The following CRTC3 variants were observed in gnomAD, a reference collection of about 807,000 sequenced individuals.
CRTC3 encodes CREB-regulated transcription coactivator 3.
Under a neutral mutation model 74.5 loss-of-function variants are expected in CRTC3, and 26 were observed. That is an observed-to-expected ratio of 0.35 (90% CI 0.26 to 0.48). The LOEUF is 0.48. Ranked by LOEUF, CRTC3 falls within the 20% of genes least tolerant of loss-of-function variation. The pLI is 0.99. For missense variants in CRTC3, 760 were observed against 787.3 expected (o/e 0.97, Z 0.41); for synonymous variants, 377 against 325.8 (o/e 1.16, Z -1.69).
At chr15:90,582,092 T>C (rs1967555746) in intron 2 of CRTC3, among the ~76,000 whole-genome samples, 1 of 152,244 alleles carries the variant, frequency 6.6e-6, no homozygotes, top group Non-Finnish European at 1.5e-5. Flanking sequence ...GTTCTTCCCT[T>C]CTGCAGTTCC....
intron 9 of CRTC3, among the ~76,000 whole-genome samples, chr15:90,621,059 G>A (rs1047342369): frequency 9.9e-5 from 15 of 152,116 alleles, no homozygotes; most frequent in Non-Finnish European, 1.6e-4. Flanking sequence ...AAGACAGGCC[G>A]CCGAGAGGTG....
At chr15:90,554,154 A>G (rs978163130) in intron 2 of CRTC3, among the ~76,000 whole-genome samples, 2 of 152,020 alleles carry the variant, frequency 1.3e-5, no homozygotes, top group East Asian at 1.9e-4. Context: ...GTTATACATA[A>G]CACCCTTAGA....
rs927463046 is a variant in CRTC3, at chr15:90,642,663, C to T, written c.*523C>T. 4.2e-6 allele frequency: 1 copy of T among 235,380 alleles called. No homozygotes were observed. The highest frequency in any genetic ancestry group is 2.2e-5 in the African/African-American group (1 of 45,200). 14.6% of individuals were successfully genotyped at this position (235,380 alleles called of 1,614,324 possible). On this transcript the variant is annotated 3_prime_UTR_variant, in exon 15 of 15. Transcript: ENST00000268184. ...TTCCCAGGCTGAGTGGACCCCACGG[C>T]TCTCTCCCACGCCTGGATTACGACA...
chr15:90,571,386 A>G (rs1459311398), intron 2 of CRTC3, among the ~76,000 whole-genome samples: 2 of 152,178 alleles, frequency 1.3e-5, no homozygotes, highest in African/African-American at 4.8e-5. Context: ...GATTGGAGTG[A>G]GGAGTGTTCT....
chr15:90,613,714 T>C (rs955785572), intron 6 of CRTC3: 1 of 152,230 alleles, frequency 6.6e-6, no homozygotes, highest in Admixed American at 6.5e-5. Flanking sequence ...TAATGTATCC[T>C]GATTCTGTAC....
intron 2 of CRTC3, among the ~76,000 whole-genome samples, chr15:90,550,140 A>T (rs1006918777): frequency 6.6e-6 from 1 of 151,826 alleles, no homozygotes; most frequent in Non-Finnish European, 1.5e-5. Context: ...TTAAATATTT[A>T]AAAATTGGCT....
In CRTC3 at chr15:90,643,386, C is replaced by G. The variant is rs1280082383; in HGVS notation, c.*1246C>G. 4.4e-6 allele frequency: 1 copy of G among 228,628 alleles called. No individual in the cohort carries two copies. Among genetic ancestry groups the G allele is most frequent in the Non-Finnish European group, 8.7e-6 (1 of 115,280 alleles). 14.2% of individuals were successfully genotyped at this position (228,628 alleles called of 1,614,324 possible). A position where few individuals can be genotyped will look rare whatever the true frequency, so the allele number is the denominator to read the frequency against. ...GACCAAATCACAGTGAAGCCGGGCA[C>G]TGCATTCTCCTTGGGCTGTGCTCCA... On this transcript the variant is annotated 3_prime_UTR_variant, in exon 15 of 15. Coordinates refer to ENST00000268184, the MANE Select transcript of CRTC3 (RefSeq NM_022769.5).
chr15:90,595,940 C>G (rs1967914392), intron 3 of CRTC3: 1 of 152,220 alleles, frequency 6.6e-6, no homozygotes, highest in African/African-American at 2.4e-5. Flanking sequence ...AAACAAGCAG[C>G]CACGGCAGGT....
At chr15:90,589,819 T>C (rs752825122) in intron 2 of CRTC3, among the ~76,000 whole-genome samples, 2 of 151,808 alleles carry the variant, frequency 1.3e-5, no homozygotes, top group Non-Finnish European at 2.9e-5. Flanking sequence ...AAACCCAGTC[T>C]CTACTAAAAA....
intron 13 of CRTC3, among the ~76,000 whole-genome samples, chr15:90,640,518 T>C (rs1969399845): frequency 6.6e-6 from 1 of 151,884 alleles, no homozygotes; most frequent in Non-Finnish European, 1.5e-5. Context: ...CAAGACCCTG[T>C]CTCTAAAAAA....
Position 90,579,857 on chromosome 15 carries a change from G to T in CRTC3, c.232-13779G>T, listed in dbSNP as rs182359999. On this transcript the variant is annotated intron_variant, in intron 2 of 14. Transcript: ENST00000268184. ...GGGTTTTACCATGTTTGCCAGGCTG[G>T]TCTTGAACTCCTGACCTCAGGTGAT... 2.1e-3 allele frequency among the ~76,000 whole-genome samples: 315 copies of T among 152,038 alleles called. 2 individuals are homozygous for T. The highest frequency in any genetic ancestry group is 4.9e-4 in the Non-Finnish European group (33 of 67,980).
At chr15:90,601,610 G>T (rs1008173774) in intron 3 of CRTC3, among the ~76,000 whole-genome samples, 1 of 152,042 alleles carries the variant, frequency 6.6e-6, no homozygotes, top group Admixed American at 6.6e-5. Flanking sequence ...CCGAGATTGC[G>T]CCATTGCACT....
At chr15:90,538,314 C>G (rs75446831) in intron 1 of CRTC3, among the ~76,000 whole-genome samples, 1,576 of 88,634 alleles carry the variant, frequency 0.018, 21 homozygotes, top group African/African-American at 0.061. Context: ...TCCTATAACT[C>G]CACTCCTAGA....
intron 2 of CRTC3, among the ~76,000 whole-genome samples, chr15:90,565,260 C>T (rs925459067): frequency 2.6e-5 from 4 of 152,070 alleles, no homozygotes; most frequent in Non-Finnish European, 4.4e-5. Context: ...TGTAAGCTTT[C>T]TAAGTCTCGG....
chr15:90,593,903 A>G (rs1317427781), intron 3 of CRTC3, 148 bp downstream of exon 3: 10 of 713,452 alleles, frequency 1.4e-5, no homozygotes, highest in Non-Finnish European at 2.1e-5. Context: ...GTTGGAAACT[A>G]GAAACATCTC....
At chr15:90,627,250 TTTTAGTATCC>T (rs1210914724) in intron 10 of CRTC3, among the ~76,000 whole-genome samples, 2 of 152,240 alleles carry the variant, frequency 1.3e-5, no homozygotes, top group African/African-American at 4.8e-5. Context: ...TTTTGGGTCA[TTTTAGTATCC>T]TTAATAGTAG....
At chr15:90,543,411 C>T (rs1021864056) in intron 2 of CRTC3, among the ~76,000 whole-genome samples, 1 of 151,236 alleles carries the variant, frequency 6.6e-6, no homozygotes, top group Non-Finnish European at 1.5e-5. Context: ...TTATCCTGAT[C>T]TTCATTAAAC....
chr15:90,595,624 G>C (rs1967904828), intron 3 of CRTC3: 2 of 151,066 alleles, frequency 1.3e-5, no homozygotes, highest in Non-Finnish European at 2.9e-5. Flanking sequence ...TTTCCTGTCA[G>C]TGCTCTCATT....
At chr15:90,574,837 A>G (rs769145657) in intron 2 of CRTC3, among the ~76,000 whole-genome samples, 1 of 152,016 alleles carries the variant, frequency 6.6e-6, no homozygotes, top group Admixed American at 6.6e-5. Context: ...CATTTGTATT[A>G]TGTTTACCGT....
Sources: allele counts gnomAD v4.1 joint callset (sites outside exome capture counted in the v4.1 genomes callset), GRCh38; gene constraint gnomAD v4.1.1; transcripts MANE v1.5; gene names NCBI Gene and HGNC (gene_info 2026-07-23, HGNC 2026-07-21).